Variants in CNOT6 observed in about 807,000 individuals in gnomAD.
The protein encoded by CNOT6 is CCR4-NOT transcription complex subunit 6.
A neutral mutation model predicts 61.2 loss-of-function variants in CNOT6; 12 were observed. The ratio of observed to expected loss-of-function variants is 0.20; its 90% CI spans 0.13 to 0.32. The LOEUF (loss-of-function observed/expected upper bound fraction) is 0.32. Ranked by LOEUF, CNOT6 falls within the 10% of genes least tolerant of loss-of-function variation. CNOT6 has a pLI of 1.00. For synonymous variants in CNOT6, 225 were observed against 240.6 expected, an observed-to-expected ratio of 0.94 and a Z score of 0.60; for missense variants, 405 against 663.9, an observed-to-expected ratio of 0.61 and a Z score of 4.28.
chr5:180,567,787 C>G, intron 8 of CNOT6, 62 bp from the exon 9 acceptor site: 1 of 1,611,558 alleles, frequency 6.2e-7, no homozygotes, highest in Non-Finnish European at 8.5e-7. Context: ...GCGTTTCCCA[C>G]AAAGCTAACC....
At chr5:180,543,050 A>AATTTATTT (rs1002282672) in intron 2 of CNOT6, among the ~76,000 whole-genome samples, 2 of 151,590 alleles carry the variant, frequency 1.3e-5, no homozygotes, top group African/African-American at 4.8e-5. Flanking sequence ...AATTTTTTTA[A>AATTTATTT]ATTTATTTAT....
chr5:180,564,583 T>C lies in CNOT6; in HGVS notation c.480T>C (p.Thr160=). The change falls in exon 5 of 12, where the codon ACT becomes ACC. Residue 160 remains threonine, a synonymous_variant. Transcript: ENST00000261951. ...LNYLLDNLSG[T]AKRITTEQPP... ...ATTTGCTTGATAATTTGTCAGGTAC[T>C]GCAAAAAGAAGTAAGTGGTTATTTG... 6.2e-7 allele frequency: 1 copy of C among 1,613,422 alleles called. No individual in the cohort carries two copies. The highest frequency in any genetic ancestry group is 1.7e-5 in the Admixed American group (1 of 60,022).
At chr5:180,532,186 C>T (rs1458949968) in intron 2 of CNOT6, among the ~76,000 whole-genome samples, 1 of 152,202 alleles carries the variant, frequency 6.6e-6, no homozygotes, top group Non-Finnish European at 1.5e-5. Flanking sequence ...TCAGTCACCA[C>T]TCCTATTTTT....
chr5:180,548,107 G>A (rs1278024883), intron 2 of CNOT6, among the ~76,000 whole-genome samples: 1 of 152,144 alleles, frequency 6.6e-6, no homozygotes, highest in Admixed American at 6.6e-5. Flanking sequence ...TTTTTCTTGT[G>A]TAATACCTTG....
chr5:180,496,749 A>G (rs1756631412), intron 1 of CNOT6, among the ~76,000 whole-genome samples: 1 of 152,234 alleles, frequency 6.6e-6, no homozygotes, highest in African/African-American at 2.4e-5. Context: ...CGGTGACGAA[A>G]GACAGATTTT....
intron 2 of CNOT6, among the ~76,000 whole-genome samples, chr5:180,533,622 C>A (rs1758515668): frequency 6.6e-6 from 1 of 151,980 alleles, no homozygotes; most frequent in South Asian, 2.1e-4. Flanking sequence ...CCTTTGTTGC[C>A]CAGGCTGGTC....
At chr5:180,533,341 T>TATATATATATATATATATCA (rs1561645134) in intron 2 of CNOT6, among the ~76,000 whole-genome samples, 1 of 141,366 alleles carries the variant, frequency 7.1e-6, no homozygotes, top group Non-Finnish European at 1.5e-5. Flanking sequence ...TATATATATA[T>TATATATATATATATATATCA]ATCACCGTAA....
chr5:180,576,010 G>A lies in CNOT6; in HGVS notation c.*1810G>A, dbSNP rs1760986382. 1 of 151,010 alleles carries A rather than the reference G, an allele frequency of 6.6e-6. No homozygotes were observed. Among genetic ancestry groups the A allele is most frequent in the South Asian group, 2.1e-4 (1 of 4,788 alleles). The allele number at this position is 151,010 out of a possible 1,614,324, so 9.4% of individuals were successfully genotyped here. ...TTTTTGTTTTTTCTAGGATTTCATT[G>A]TGATGTTTTGGTTTTGTTTTTTGCT... On this transcript the variant is annotated 3_prime_UTR_variant, in exon 12 of 12. Coordinates refer to ENST00000261951, the MANE Select transcript of CNOT6 (RefSeq NM_001370472.1).
intron 1 of CNOT6, among the ~76,000 whole-genome samples, chr5:180,511,244 A>G (rs1041374499): frequency 2.6e-5 from 4 of 151,428 alleles, no homozygotes; most frequent in Non-Finnish European, 5.9e-5. Context: ...TTGGGAGGCC[A>G]GGGTGGGGAA....
intron 1 of CNOT6, among the ~76,000 whole-genome samples, chr5:180,496,674 C>T (rs1756627354): frequency 6.6e-6 from 1 of 152,150 alleles, no homozygotes; most frequent in African/African-American, 2.4e-5. Flanking sequence ...TATAAAGTAA[C>T]ATATATAAAG....
At chr5:180,495,300 C>T (rs1298410625) in intron 1 of CNOT6, 1 of 152,214 alleles carries the variant, frequency 6.6e-6, no homozygotes, top group Non-Finnish European at 1.5e-5. Context: ...GTTAAAGAAG[C>T]ACTTGGCATG....
At chr5:180,531,287 C>T (rs116305157) in intron 2 of CNOT6, among the ~76,000 whole-genome samples, 68,658 of 148,762 alleles carry the variant, frequency 0.46, 16,889 homozygotes, top group Non-Finnish European at 0.56. Context: ...CGGTCAGAGA[C>T]GCTTCTCACC....
intron 2 of CNOT6, among the ~76,000 whole-genome samples, chr5:180,538,459 G>T (rs1349136800): frequency 6.6e-6 from 1 of 150,534 alleles, no homozygotes; most frequent in Non-Finnish European, 1.5e-5. Context: ...ACTAAGGGAG[G>T]CCGATTACCT....
At chr5:180,542,293 C>T (rs544288581) in intron 2 of CNOT6, among the ~76,000 whole-genome samples, 14 of 149,860 alleles carry the variant, frequency 9.3e-5, no homozygotes, top group African/African-American at 3.2e-4. Flanking sequence ...GAGACAGGGT[C>T]TCGCTCTGTC....
chr5:180,498,899 C>T (rs1756739477), intron 1 of CNOT6, among the ~76,000 whole-genome samples: 1 of 152,230 alleles, frequency 6.6e-6, no homozygotes, highest in South Asian at 2.1e-4. Flanking sequence ...CAGCCATTCT[C>T]CTGCTTCAGC....
intron 10 of CNOT6, among the ~76,000 whole-genome samples, chr5:180,569,702 G>C (rs1055162704): frequency 6.6e-6 from 1 of 152,078 alleles, no homozygotes; most frequent in African/African-American, 2.4e-5. Flanking sequence ...GTTTAAATTT[G>C]AGTTAAAATT....
intron 2 of CNOT6, among the ~76,000 whole-genome samples, chr5:180,539,285 A>G (rs181857578): frequency 8.5e-6 from 1 of 117,562 alleles, no homozygotes; most frequent in Admixed American, 8.1e-5. Context: ...TCTCTTTAAA[A>G]ACAAACAAAC....
At chr5:180,569,084 C>T (rs762915501) in intron 9 of CNOT6, 26 bp from the exon 10 acceptor site, 53 of 1,572,174 alleles carry the variant, frequency 3.4e-5, no homozygotes, top group Non-Finnish European at 4.3e-5. Flanking sequence ...TTGTCTCTTT[C>T]TTTGTTTCGT....
intron 2 of CNOT6, among the ~76,000 whole-genome samples, chr5:180,549,533 C>T (rs1167053412): frequency 2.0e-5 from 3 of 151,998 alleles, no homozygotes; most frequent in African/African-American, 7.3e-5. Flanking sequence ...GCCTGTAATC[C>T]CAGCTACTTG....
Sources: gnomAD v4.1 joint callset for allele counts (sites outside exome capture counted in the v4.1 genomes callset) on GRCh38, gnomAD v4.1.1 for gene constraint, MANE v1.5 for transcripts, NCBI Gene and HGNC (gene_info 2026-07-23, HGNC 2026-07-21) for gene names.